KYNU: variants seen among roughly 807,000 people sequenced by gnomAD.
The protein encoded by KYNU is L-kynurenine hydrolase.
A neutral mutation model predicts 59.2 loss-of-function variants in KYNU; 54 were observed. The ratio of observed to expected loss-of-function variants is 0.91; its 90% confidence interval spans 0.73 to 1.14. KYNU has a LOEUF of 1.14. Ranked by LOEUF, KYNU falls within the 50% of genes most tolerant of loss-of-function variation. KYNU has a pLI of 0.00. For synonymous variants in KYNU, 177 were observed against 192.0 expected, an observed-to-expected ratio of 0.92 and a Z score of 0.65; for missense variants, 567 against 554.4, an observed-to-expected ratio of 1.02 and a Z score of -0.23.
rs139482526 is a variant in KYNU at position 143,030,248 on chromosome 2, G to T, written c.955+569G>T. 5.3e-5 allele frequency among the ~76,000 whole-genome samples: 8 copies of T among 152,140 alleles called. No homozygotes were observed. In the East Asian group the frequency reaches 1.5e-3, roughly 29 times the overall value. ...TCTTTTTTCCTATTTTCCTTTTGTG[G>T]CTTTTGCCATGTACCAAAGAGTGTA... On this transcript the variant is annotated intron_variant, in intron 11 of 13. Transcript: ENST00000264170.
At position 143,011,143 on chromosome 2, in the gene KYNU, C is replaced by A. The variant is rs369311181; in HGVS notation, c.903-18484C>A. Among the ~76,000 whole-genome samples the A allele has an allele frequency of 2.1e-5, 3 of 145,472 alleles. 1 individual carries two copies. Among genetic ancestry groups the A allele is most frequent in the African/African-American group, 5.2e-5 (2 of 38,680 alleles). On this transcript the variant is annotated intron_variant, in intron 10 of 13. Coordinates refer to ENST00000264170, the MANE Select transcript of KYNU (RefSeq NM_003937.3). Reference sequence around the variant, plus strand: ...AACAGGCAACCTACAAAATGGGAGACAATTTTTGCAACCTACTCATCTGAC... The same window carrying A: ...AACAGGCAACCTACAAAATGGGAGAAAATTTTTGCAACCTACTCATCTGAC...
intron 2 of KYNU, among the ~76,000 whole-genome samples, chr2:142,896,539 G>C (rs978343323): frequency 2.6e-5 from 4 of 151,544 alleles, no homozygotes; most frequent in African/African-American, 9.7e-5. Context: ...GGAGCTTTTT[G>C]TTTTTTTGTT....
intron 2 of KYNU, among the ~76,000 whole-genome samples, chr2:142,901,494 C>G (rs1440411556): frequency 6.6e-6 from 1 of 151,918 alleles, no homozygotes; most frequent in African/African-American, 2.4e-5. Flanking sequence ...TTTTTCTTTC[C>G]TTTTCTTTCT....
intron 8 of KYNU, among the ~76,000 whole-genome samples, chr2:142,965,434 G>A (rs542922912): frequency 1.3e-3 from 195 of 149,898 alleles, no homozygotes; most frequent in Non-Finnish European, 2.4e-3. Context: ...TTCTCACCAC[G>A]AAAGACTTGA....
chr2:142,897,342 G>T (rs1174712902), intron 2 of KYNU, among the ~76,000 whole-genome samples: 1 of 152,112 alleles, frequency 6.6e-6, no homozygotes, highest in Non-Finnish European at 1.5e-5. Context: ...ACAGATTTAT[G>T]GACATAATCA....
At chr2:142,983,652 C>G (rs901042677) in intron 8 of KYNU, among the ~76,000 whole-genome samples, 3 of 152,042 alleles carry the variant, frequency 2.0e-5, no homozygotes, top group Non-Finnish European at 4.4e-5. Context: ...CTTTTACACT[C>G]TTAAAAACCA....
chr2:142,929,999 C>G (rs1683157587), intron 4 of KYNU, among the ~76,000 whole-genome samples: 1 of 152,118 alleles, frequency 6.6e-6, no homozygotes, highest in Non-Finnish European at 1.5e-5. Flanking sequence ...TAAATTTTCC[C>G]TCACAACAGA....
chr2:143,026,741 CCGCA>C (rs1419316538), intron 10 of KYNU, among the ~76,000 whole-genome samples: 58 of 87,146 alleles, frequency 6.7e-4, no homozygotes, highest in African/African-American at 3.9e-3. Context: ...GCTCTGCTGT[CCGCA>C]GTCCGCAGTC....
chr2:142,910,740 A>G (rs1313551650), intron 2 of KYNU, among the ~76,000 whole-genome samples: 3 of 152,162 alleles, frequency 2.0e-5, no homozygotes, highest in Non-Finnish European at 4.4e-5. Flanking sequence ...TCTTGAGTCA[A>G]TAATTGTATT....
Position 142,960,653 on chromosome 2 carries a change from C to A in KYNU, c.612C>A (p.Ile204=). 1.2e-6 allele frequency: 2 copies of A among 1,613,648 alleles called. No homozygotes were observed. Among genetic ancestry groups the A allele is most frequent in the Non-Finnish European group, 1.7e-6 (2 of 1,179,714 alleles). The part of the protein sequence containing the change: ...EGEETLRIED[I]LEVIEKEGDS... ...AAGAAACCTTAAGAATAGAGGATAT[C>A]CTTGAAGTAATTGAGAAGGAAGGAG... Residue 204 remains isoleucine, a synonymous_variant, in exon 8 of 14, where the codon ATC becomes ATA. Transcript: ENST00000264170.
At chr2:142,897,978 T>A (rs1028197224) in intron 2 of KYNU, among the ~76,000 whole-genome samples, 3 of 152,186 alleles carry the variant, frequency 2.0e-5, no homozygotes, top group Non-Finnish European at 4.4e-5. Flanking sequence ...CAGAGCTCAC[T>A]GCAGCCTCAA....
intron 10 of KYNU, among the ~76,000 whole-genome samples, chr2:143,006,956 A>G (rs60531485): frequency 0.052 from 7,873 of 151,902 alleles, 537 homozygotes; most frequent in African/African-American, 0.16. Context: ...AAAGATGGGG[A>G]AAAAACAGAA....
intron 10 of KYNU, among the ~76,000 whole-genome samples, chr2:142,994,689 A>G (rs995023823): frequency 2.6e-5 from 4 of 152,062 alleles, no homozygotes; most frequent in Non-Finnish European, 4.4e-5. Flanking sequence ...TGAAATCTTA[A>G]TTCTAAATTC....
intron 7 of KYNU, among the ~76,000 whole-genome samples, chr2:142,958,554 A>T (rs1434796666): frequency 6.6e-6 from 1 of 152,208 alleles, no homozygotes; most frequent in Non-Finnish European, 1.5e-5. Context: ...GATGTACTCT[A>T]TTCACTTCCA....
chr2:143,033,078 C>T lies in KYNU; in HGVS notation c.956-158C>T, dbSNP rs570347687. Among the ~76,000 whole-genome samples, 16 of 152,114 alleles carry T rather than the reference C, an allele frequency of 1.1e-4. 1 individual carries two copies. The South Asian group carries it at 2.9e-3, about 28-fold the overall frequency. On this transcript the variant is annotated intron_variant, in intron 11 of 13. Transcript: ENST00000264170. ...ACTGCTGGTAAACGGGAAATAACGT[C>T]GATATTTTAGTTCCATGGAGCTTAT...
intron 10 of KYNU, among the ~76,000 whole-genome samples, chr2:142,988,647 A>C (rs1685297489): frequency 1.3e-5 from 2 of 151,938 alleles, no homozygotes; most frequent in African/African-American, 4.8e-5. Flanking sequence ...TAGCCATGGA[A>C]ATTTATGGGA....
intron 2 of KYNU, among the ~76,000 whole-genome samples, chr2:142,892,884 C>T (rs1681757974): frequency 1.3e-5 from 2 of 152,122 alleles, no homozygotes; most frequent in African/African-American, 4.8e-5. Flanking sequence ...CAGTGAGAAT[C>T]AGGCAGTGAC....
At chr2:142,901,958 G>A (rs1682107345) in intron 2 of KYNU, among the ~76,000 whole-genome samples, 1 of 152,156 alleles carries the variant, frequency 6.6e-6, no homozygotes, top group African/African-American at 2.4e-5. Flanking sequence ...CTTTTTCATT[G>A]TTTGGAAGAA....
Position 143,040,507 on chromosome 2 carries a change from A to AT in KYNU, c.1122dup (p.Asn375Ter), listed in dbSNP as rs1422608257. 2 of 1,613,364 alleles carry AT rather than the reference A, an allele frequency of 1.2e-6. No homozygotes were observed. Among genetic ancestry groups the AT allele is most frequent in the Non-Finnish European group, 1.7e-6 (2 of 1,179,556 alleles). ...GGCTATCTGGAATACCTGATCAAGC[A>AT]TAACTATGGCAAAGATAAAGCAGCA... On this transcript the variant is annotated frameshift_variant, in exon 13 of 14. Coordinates refer to ENST00000264170, the MANE Select transcript of KYNU (RefSeq NM_003937.3). LOFTEE classifies it high-confidence loss of function.
Sources: gnomAD v4.1 joint callset for allele counts (sites outside exome capture counted in the v4.1 genomes callset) on GRCh38, gnomAD v4.1.1 for gene constraint, MANE v1.5 for transcripts, NCBI Gene and HGNC (gene_info 2026-07-23, HGNC 2026-07-21) for gene names.